Variants in CACNA1S observed in about 807,000 individuals in gnomAD.
The protein encoded by CACNA1S is calcium voltage-gated channel subunit alpha1 S.
CACNA1S carries 126 observed loss-of-function variants against 207.4 expected under a neutral mutation model. The ratio of observed to expected loss-of-function variants is 0.61; its 90% CI spans 0.53 to 0.70. The LOEUF is 0.70. Among genes scored for constraint, CACNA1S ranks in the 30% least tolerant of loss-of-function variants. The pLI is 0.00. For missense variants in CACNA1S, 2,349 were observed against 2,422.8 expected (o/e 0.97, Z 0.64); for synonymous variants, 960 against 932.7 (o/e 1.03, Z -0.53).
chr1:201,049,177 T>C (rs1660571864), intron 34 of CACNA1S, 78 bp from the exon 35 acceptor site: 7 of 1,007,394 alleles, frequency 6.9e-6, no homozygotes, highest in African/African-American at 3.2e-5. Flanking sequence ...GGATGGGCAA[T>C]GGGAAAGAAA....
At position 201,112,402 on chromosome 1, in the gene CACNA1S, C is replaced by T. The variant is rs2102194246; in HGVS notation, c.-63G>A. ...CCCCAGTGCTTTCCCTTCCCTGTGT[C>T]CCCAATGCCCCCGCCTTGGGGACTA... On this transcript the variant is annotated 5_prime_UTR_variant, in exon 1 of 44. Coordinates refer to ENST00000362061, the MANE Select transcript of CACNA1S (RefSeq NM_000069.3). 1 of 1,610,486 alleles carries T rather than the reference C, an allele frequency of 6.2e-7. No individual in the cohort carries two copies. The highest frequency in any genetic ancestry group is 1.1e-5 in the South Asian group (1 of 90,908).
intron 33 of CACNA1S, 85 bp from the exon 34 acceptor site, chr1:201,050,601 C>T: frequency 6.6e-7 from 1 of 1,512,324 alleles, no homozygotes. Context: ...TGTCCACTGG[C>T]CCACAACTTC....
Position 201,065,884 on chromosome 1 carries a change from G to A in CACNA1S, c.2807C>T (p.Thr936Ile). ...GCAGGCAAACATGAACTGTAGGAGGGTAGTGACCAGCACGATGTTCCCGAT... is the reference window on the plus strand; with the variant it reads ...GCAGGCAAACATGAACTGTAGGAGGATAGTGACCAGCACGATGTTCCCGAT... ...STIGNIVLVT[T>I]LLQFMFACIG... Residue 936 changes from threonine (T) to isoleucine (I), a missense_variant, in exon 22 of 44, where the codon ACC (threonine) becomes ATC (isoleucine). Coordinates refer to ENST00000362061, the MANE Select transcript of CACNA1S (RefSeq NM_000069.3). 2 of 1,614,130 alleles carry A rather than the reference G, an allele frequency of 1.2e-6. No individual in the cohort carries two copies. Among genetic ancestry groups the A allele is most frequent in the Non-Finnish European group, 1.7e-6 (2 of 1,179,984 alleles).
intron 39 of CACNA1S, 116 bp downstream of exon 39, chr1:201,044,212 G>T (rs540889450): frequency 1.1e-5 from 14 of 1,301,648 alleles, no homozygotes; most frequent in East Asian, 7.3e-5. Flanking sequence ...ACGGAGTGGG[G>T]TATCTTCAGC....
At chr1:201,078,270 G>A (rs534620813) in intron 10 of CACNA1S, among the ~76,000 whole-genome samples, 166 bp from the exon 11 acceptor site, 2 of 152,284 alleles carry the variant, frequency 1.3e-5, no homozygotes, top group African/African-American at 4.8e-5. Flanking sequence ...TGCCCAGACT[G>A]GAGTGAAGTG....
intron 2 of CACNA1S, among the ~76,000 whole-genome samples, chr1:201,108,400 G>A (rs533549711): frequency 1.3e-5 from 2 of 152,278 alleles, no homozygotes; most frequent in South Asian, 2.1e-4. Context: ...ACTGCATCCA[G>A]CAGAGGTAAA....
At chr1:201,095,265 C>G (rs538422514) in intron 2 of CACNA1S, among the ~76,000 whole-genome samples, 2 of 152,074 alleles carry the variant, frequency 1.3e-5, no homozygotes, top group Admixed American at 1.3e-4. Flanking sequence ...GTCTGTACCC[C>G]CACAACCCAG....
At chr1:201,081,245 T>C (rs1349965276) in intron 10 of CACNA1S, among the ~76,000 whole-genome samples, 2 of 152,252 alleles carry the variant, frequency 1.3e-5, no homozygotes, top group African/African-American at 4.8e-5. Flanking sequence ...GCCTAAAATG[T>C]CCTTGGAAGT....
chr1:201,066,986 G>A lies in CACNA1S; in HGVS notation c.2558C>T (p.Thr853Ile). Residue 853 changes from threonine (T) to isoleucine (I), a missense_variant, in exon 20 of 44, where the codon ACC becomes ATC. Physicochemically the swap from Thr to Ile is moderately conservative, Grantham distance 89. Transcript: ENST00000362061. This position sits in a 1 kb window ranked among gnomAD's most constrained non-coding sequence, Gnocchi z 4.3. Reference protein sequence around the residue: ...FTVEIVLKMTTYGAFLHKGSF... With the variant: ...FTVEIVLKMTIYGAFLHKGSF... ...ACCCTTGTGCAGGAAGGCTCCGTAGGTCGTCATCTGGGGAGAAAGAGGCAG... is the reference window on the plus strand; with the variant it reads ...ACCCTTGTGCAGGAAGGCTCCGTAGATCGTCATCTGGGGAGAAAGAGGCAG... 2.5e-6 allele frequency: 4 copies of A among 1,612,780 alleles called. No homozygotes were observed. The highest frequency in any genetic ancestry group is 1.7e-6 in the Non-Finnish European group (2 of 1,178,780).
At chr1:201,082,618 C>T (rs1328258188) in intron 10 of CACNA1S, among the ~76,000 whole-genome samples, 3 of 152,160 alleles carry the variant, frequency 2.0e-5, no homozygotes, top group African/African-American at 7.2e-5. Context: ...CATTGCCCTC[C>T]TTCTATTGAC....
At chr1:201,048,711 C>T (rs374863814) in intron 35 of CACNA1S, 27 bp from the exon 36 acceptor site, 104 of 1,593,190 alleles carry the variant, frequency 6.5e-5, no homozygotes, top group Non-Finnish European at 7.7e-5. Context: ...AGTGGCCTGC[C>T]GCTGAGCTGG....
intron 37 of CACNA1S, 84 bp from the exon 38 acceptor site, chr1:201,047,323 C>T (rs1287252925): frequency 6.4e-6 from 10 of 1,571,928 alleles, no homozygotes; most frequent in Non-Finnish European, 4.4e-6. Flanking sequence ...TGTAGCCAGG[C>T]CCGGGCATGC....
chr1:201,052,483 C>T, intron 32 of CACNA1S, 74 bp downstream of exon 32: 1 of 1,185,778 alleles, frequency 8.4e-7, no homozygotes, highest in East Asian at 2.3e-5. Flanking sequence ...AGCCCTGGCT[C>T]CAGTGCACAT....
chr1:201,067,909 C>T (rs1486727931), intron 19 of CACNA1S, among the ~76,000 whole-genome samples: 1 of 152,200 alleles, frequency 6.6e-6, no homozygotes, highest in African/African-American at 2.4e-5. Flanking sequence ...GAGCCTGTTC[C>T]TGGGGCTCGG....
In CACNA1S at chr1:201,061,374, T is replaced by C; in HGVS notation, c.3148A>G (p.Ile1050Val). 1 of 1,614,150 alleles carries C rather than the reference T, an allele frequency of 6.2e-7. No homozygotes were observed. The highest frequency in any genetic ancestry group is 8.5e-7 in the Non-Finnish European group (1 of 1,180,004). ...TTCATCATGAAGAAGGCAATGAGGATGATGTAGATGATGAAGAAGATGGCC... is the reference window on the plus strand; with the variant it reads ...TTCATCATGAAGAAGGCAATGAGGACGATGTAGATGATGAAGAAGATGGCC... ...EMAIFFIIYI[I>V]LIAFFMMNIF... is the part of the protein sequence containing the mutation. Residue 1050 changes from isoleucine to valine, a missense_variant, in exon 25 of 44, where the codon ATC becomes GTC. Ile to Val is a conservative substitution (Grantham distance 29). Transcript: ENST00000362061.
At chr1:201,102,216 G>A (rs1662698894) in intron 2 of CACNA1S, among the ~76,000 whole-genome samples, 2 of 152,162 alleles carry the variant, frequency 1.3e-5, no homozygotes, top group South Asian at 2.1e-4. Context: ...GTGAAGTGTG[G>A]GGCAGGCTCC....
chr1:201,075,365 G>A, intron 13 of CACNA1S, 130 bp downstream of exon 13: 1 of 1,033,240 alleles, frequency 9.7e-7, no homozygotes, highest in Non-Finnish European at 1.5e-6. Context: ...CCTACCGCAT[G>A]GGCCTGGGAG....
At chr1:201,075,714 C>G (rs1054954474) in intron 12 of CACNA1S, 99 bp from the exon 13 acceptor site, 1 of 1,305,820 alleles carries the variant, frequency 7.7e-7, no homozygotes, top group Non-Finnish European at 1.1e-6. Context: ...CTCTGTGGTT[C>G]TCTCAGACCT....
chr1:201,057,238 C>A (rs1412284397), intron 28 of CACNA1S, among the ~76,000 whole-genome samples: 1 of 152,234 alleles, frequency 6.6e-6, no homozygotes, highest in African/African-American at 2.4e-5. Context: ...GCTACAAGGG[C>A]CTCCTGCTCT....
Sources: allele counts gnomAD v4.1 joint callset (sites outside exome capture counted in the v4.1 genomes callset), GRCh38; gene constraint gnomAD v4.1.1; non-coding constraint Gnocchi (gnomAD v3.1); transcripts MANE v1.5; gene names NCBI Gene and HGNC (gene_info 2026-07-23, HGNC 2026-07-21).